KCNT2: variants seen among roughly 807,000 people sequenced by gnomAD.
KCNT2 encodes potassium channel subfamily T member 2.
KCNT2 carries 67 observed loss-of-function variants against 153.8 expected under a neutral mutation model. That is an observed-to-expected ratio of 0.44 (90% CI 0.36 to 0.53). The LOEUF is 0.53. KCNT2 is among the 20% of genes least tolerant of loss of function. The pLI, the probability that KCNT2 is intolerant of heterozygous loss-of-function variation, is 0.00. For synonymous variants in KCNT2, 500 were observed against 458.8 expected (o/e 1.09, Z -1.15); for missense variants, 975 against 1,354.8 (o/e 0.72, Z 4.40).
chr1:196,236,081 A>C lies in KCNT2; in HGVS notation c.3212-11T>G. 3 of 1,445,326 alleles carry C rather than the reference A, an allele frequency of 2.1e-6. No homozygotes were observed. Among genetic ancestry groups the C allele is most frequent in the Non-Finnish European group, 2.9e-6 (3 of 1,027,688 alleles). The allele number at this position is 1,445,326 out of a possible 1,614,324, so 89.5% of individuals were successfully genotyped here. ...GATCATTCATTTCATCTAGAAGATA[A>C]ATAAATGCCAAGTTTGTTATACTGC... On this transcript the variant is annotated splice_polypyrimidine_tract_variant and intron_variant, in intron 26 of 27. Coordinates refer to ENST00000294725, the MANE Select transcript of KCNT2 (RefSeq NM_198503.5).
intron 1 of KCNT2, 52 bp downstream of exon 1, chr1:196,608,163 C>T: frequency 6.5e-7 from 1 of 1,534,856 alleles, no homozygotes; most frequent in Non-Finnish European, 9.0e-7. Context: ...CCTCCCATTT[C>T]CGTCTCTTTT....
At chr1:196,277,635 G>C (rs572718870) in intron 25 of KCNT2, among the ~76,000 whole-genome samples, 1 of 152,040 alleles carries the variant, frequency 6.6e-6, no homozygotes, top group Non-Finnish European at 1.5e-5. Context: ...CTCTCCAATA[G>C]TAATTACTGA....
chr1:196,254,858 TAAG>T (rs1656319900), intron 26 of KCNT2, among the ~76,000 whole-genome samples: 2 of 151,624 alleles, frequency 1.3e-5, no homozygotes, highest in African/African-American at 4.8e-5. Context: ...GACAAAAAAA[TAAG>T]AATTTCTCTT....
intron 26 of KCNT2, among the ~76,000 whole-genome samples, chr1:196,255,247 T>G (rs572893535): frequency 2.0e-4 from 30 of 151,928 alleles, no homozygotes; most frequent in African/African-American, 6.7e-4. Flanking sequence ...CATTCTATTA[T>G]TTGACAATTA....
At chr1:196,556,529 G>A (rs1246858918) in intron 1 of KCNT2, among the ~76,000 whole-genome samples, 1 of 150,996 alleles carries the variant, frequency 6.6e-6, no homozygotes, top group Admixed American at 6.6e-5. Context: ...AGAATTGTTG[G>A]TGGGAATATA....
intron 16 of KCNT2, among the ~76,000 whole-genome samples, chr1:196,336,861 G>C (rs568159731): frequency 4.6e-5 from 7 of 152,086 alleles, no homozygotes; most frequent in Non-Finnish European, 8.8e-5. Context: ...CACTCATTGG[G>C]TTTTCCTACT....
intron 20 of KCNT2, among the ~76,000 whole-genome samples, chr1:196,318,789 A>G (rs944304158): frequency 6.6e-5 from 10 of 151,970 alleles, no homozygotes; most frequent in African/African-American, 1.7e-4. Context: ...CAACATCTAC[A>G]GGATAAAATG....
chr1:196,285,201 G>A (rs1450931378), intron 23 of KCNT2, among the ~76,000 whole-genome samples: 1 of 152,082 alleles, frequency 6.6e-6, no homozygotes, highest in Non-Finnish European at 1.5e-5. Context: ...TCTAAAATAG[G>A]CAATAATCAG....
At chr1:196,409,851 T>G (rs1362131964) in intron 12 of KCNT2, among the ~76,000 whole-genome samples, 1 of 151,710 alleles carries the variant, frequency 6.6e-6, no homozygotes, top group Admixed American at 6.6e-5. Context: ...AATTCTATTT[T>G]AGGTTTTTGA....
chr1:196,416,447 C>T lies in KCNT2; in HGVS notation c.1185+6603G>A, dbSNP rs1672760018. ...TAGTATATATAGGGTTTGGTACTAT[C>T]GGCAATTATAGGCATCAGCTGGGGA... On this transcript the variant is annotated intron_variant, in intron 12 of 27. Coordinates refer to ENST00000294725, the MANE Select transcript of KCNT2 (RefSeq NM_198503.5). Among the ~76,000 whole-genome samples, 3 of 152,006 alleles carry T rather than the reference C, an allele frequency of 2.0e-5. No individual in the cohort carries two copies. The South Asian group carries it at 6.2e-4, about 32-fold the overall frequency.
In KCNT2 at chr1:196,479,388, T is replaced by C; in HGVS notation, c.325-150A>G. The C allele has an allele frequency of 1.2e-5, 7 of 565,242 alleles. No individual in the cohort carries two copies. In the South Asian group the frequency reaches 1.6e-4, roughly 13 times the overall value. The allele number at this position is 565,242 out of a possible 1,614,324, so 35.0% of individuals were successfully genotyped here. A position where few individuals can be genotyped will look rare whatever the true frequency, so the allele number is the denominator to read the frequency against. ...TTATTAGGCGGTACTTTAACTTCTA[T>C]ACACAGATGACAGGCTGCTGGCCAG... On this transcript the variant is annotated intron_variant, in intron 4 of 27. Coordinates refer to ENST00000294725, the MANE Select transcript of KCNT2 (RefSeq NM_198503.5).
rs145462696 is a variant in KCNT2 at position 196,546,167 on chromosome 1, TCAA to T, written c.96-53829_96-53827del. Among the ~76,000 whole-genome samples, 1,154 of 152,264 alleles carry T rather than the reference TCAA, an allele frequency of 7.6e-3. 11 individuals are homozygous for T. Among genetic ancestry groups the T allele is most frequent in the Non-Finnish European group, 0.011 (757 of 68,018 alleles). On this transcript the variant is annotated intron_variant, in intron 1 of 27. Coordinates refer to ENST00000294725, the MANE Select transcript of KCNT2 (RefSeq NM_198503.5). ...TGAGAGTTGTAACTTATTCAAATCC[TCAA>T]CAACGTTTGTCTATTCCATCCCATG...
rs1293442895 is a variant in KCNT2, at chr1:196,281,760, A to T, written c.2781+513T>A. 3.5e-5 allele frequency among the ~76,000 whole-genome samples: 5 copies of T among 141,768 alleles called. No homozygotes were observed. In the Admixed American group the frequency reaches 3.5e-4, roughly 10 times the overall value. 93.0% of individuals were successfully genotyped at this position (141,768 alleles called of 152,430 possible). On this transcript the variant is annotated intron_variant, in intron 24 of 27. Transcript: ENST00000294725. ...GTTAACAAAAAAAAATTCATTCAAC[A>T]TTTTTTTTTTTTTTGAGATGGAGTC... is the stretch of plus-strand genomic sequence containing the variant.
At chr1:196,263,492 G>T (rs562887039) in intron 25 of KCNT2, among the ~76,000 whole-genome samples, 5 of 152,006 alleles carry the variant, frequency 3.3e-5, no homozygotes, top group Non-Finnish European at 5.9e-5. Context: ...GTCATAGGGT[G>T]GGGGGCTAGG....
chr1:196,567,260 C>A (rs1660224163), intron 1 of KCNT2, among the ~76,000 whole-genome samples: 1 of 152,030 alleles, frequency 6.6e-6, no homozygotes, highest in African/African-American at 2.4e-5. Flanking sequence ...GAACACAACT[C>A]TCTTTCCTAT....
chr1:196,273,443 A>C, intron 25 of KCNT2: 2 of 1,503,302 alleles, frequency 1.3e-6, no homozygotes, highest in Non-Finnish European at 1.8e-6. Context: ...ATTTGAGGAA[A>C]GGGAAACAAA....
chr1:196,376,997 T>A (rs543475038), intron 13 of KCNT2, among the ~76,000 whole-genome samples: 1 of 151,948 alleles, frequency 6.6e-6, no homozygotes, highest in South Asian at 2.1e-4. Context: ...GTAGGTCTTG[T>A]ATGGTCAAAA....
chr1:196,242,527 C>T (rs1655049848), intron 26 of KCNT2, among the ~76,000 whole-genome samples: 2 of 152,052 alleles, frequency 1.3e-5, no homozygotes, highest in Non-Finnish European at 2.9e-5. Context: ...CCAAGCTTTC[C>T]AATTTTGCAG....
In KCNT2 at chr1:196,382,082, A is replaced by AATTTATTT. The variant is rs547804260; in HGVS notation, c.1295-8842_1295-8835dup. ...CACTTAAGGAAATAATGTTTAACCA[A>AATTTATTT]ATTTATTTATTTATTTATTTATTTA... On this transcript the variant is annotated intron_variant, in intron 13 of 27. Transcript: ENST00000294725. Among the ~76,000 whole-genome samples, 1,242 of 143,244 alleles carry AATTTATTT rather than the reference A, an allele frequency of 8.7e-3. 12 individuals are homozygous for AATTTATTT. Among genetic ancestry groups the AATTTATTT allele is most frequent in the African/African-American group, 0.02 (795 of 39,038 alleles). The allele number at this position is 143,244 out of a possible 152,430, so 94.0% of individuals were successfully genotyped here.
Sources: gnomAD v4.1 joint callset for allele counts (sites outside exome capture counted in the v4.1 genomes callset) on GRCh38, gnomAD v4.1.1 for gene constraint, MANE v1.5 for transcripts, NCBI Gene and HGNC (gene_info 2026-07-23, HGNC 2026-07-21) for gene names.